NCAM1: variants seen among roughly 807,000 people sequenced by gnomAD.
NCAM1 encodes the protein neural cell adhesion molecule 1, also known as antigen recognized by monoclonal antibody 5.1H11.
In NCAM1, 14 loss-of-function variants were observed where a neutral mutation model predicts 109.8. That is an observed-to-expected ratio of 0.13 (90% CI 0.08 to 0.20). The LOEUF is 0.20. NCAM1 is among the 10% of genes least tolerant of loss of function. The pLI, the probability that NCAM1 is intolerant of heterozygous loss-of-function variation, is 1.00. For synonymous variants in NCAM1, 418 were observed against 442.9 expected (o/e 0.94, Z 0.70); for missense variants, 774 against 1,109.9 (o/e 0.70, Z 4.30).
intron 1 of NCAM1, among the ~76,000 whole-genome samples, chr11:113,020,221 G>T (rs949092385): frequency 4.8e-4 from 73 of 152,104 alleles, no homozygotes; most frequent in Admixed American, 4.1e-3. Context: ...TTATATCTTT[G>T]TAAGATTTGT....
In NCAM1 at chr11:113,275,291, A is replaced by G; in HGVS notation, c.2481A>G (p.Pro827=). 1 of 1,613,820 alleles carries G rather than the reference A, an allele frequency of 6.2e-7. No homozygotes were observed. Among genetic ancestry groups the G allele is most frequent in the Non-Finnish European group, 8.5e-7 (1 of 1,179,826 alleles). The change falls in exon 20 of 20, where the codon CCA becomes CCG. Residue 827 remains proline (P), a synonymous_variant. Transcript: ENST00000316851. The stretch of plus-strand genomic sequence containing the variant: ...GGAAGGGCCCCGTAGAAGCAAAGCC[A>G]GAGTGCCAGGAGACAGAAACGAAGC... ...EPEKGPVEAK[P]ECQETETKPA... is the part of the protein sequence containing the mutation.
At chr11:113,083,314 T>G (rs1938928385) in intron 1 of NCAM1, among the ~76,000 whole-genome samples, 1 of 152,210 alleles carries the variant, frequency 6.6e-6, no homozygotes, top group South Asian at 2.1e-4. Flanking sequence ...GGCCCAAATA[T>G]ACACAGTTAA....
Position 113,200,354 on chromosome 11 carries a change from C to G in NCAM1, c.53-2025C>G, listed in dbSNP as rs1944011262. Reference sequence around the variant, plus strand: ...GCATGGATAGCACTGGCCTGCAGCTCTCTTTGTAAGGCTCCATGCTCCCCA... The same window carrying G: ...GCATGGATAGCACTGGCCTGCAGCTGTCTTTGTAAGGCTCCATGCTCCCCA... On this transcript the variant is annotated intron_variant, in intron 1 of 19. Transcript: ENST00000316851. 2.0e-5 allele frequency among the ~76,000 whole-genome samples: 3 copies of G among 152,276 alleles called. No individual in the cohort carries two copies. The South Asian group carries it at 6.2e-4, about 32-fold the overall frequency.
chr11:113,138,610 G>A (rs1263203313), intron 1 of NCAM1, among the ~76,000 whole-genome samples: 3 of 151,998 alleles, frequency 2.0e-5, no homozygotes, highest in Non-Finnish European at 2.9e-5. Flanking sequence ...TGCATGATCT[G>A]GGCTCTTTTT....
At chr11:113,117,037 T>A (rs1940743314) in intron 1 of NCAM1, among the ~76,000 whole-genome samples, 1 of 151,976 alleles carries the variant, frequency 6.6e-6, no homozygotes, top group Non-Finnish European at 1.5e-5. Context: ...GGAGTAGACA[T>A]AAATTACATG....
At chr11:113,134,117 T>C (rs1397850843) in intron 1 of NCAM1, among the ~76,000 whole-genome samples, 1 of 152,202 alleles carries the variant, frequency 6.6e-6, no homozygotes, top group Non-Finnish European at 1.5e-5. Flanking sequence ...TGCAAGTCTA[T>C]ACCCATTAAA....
chr11:113,219,983 T>C (rs1004059588), intron 8 of NCAM1, among the ~76,000 whole-genome samples: 1 of 152,238 alleles, frequency 6.6e-6, no homozygotes, highest in Non-Finnish European at 1.5e-5. Context: ...TTTAGTGGAC[T>C]CTTACTAAAT....
intron 1 of NCAM1, among the ~76,000 whole-genome samples, chr11:113,116,013 C>A (rs1325452875): frequency 6.6e-6 from 1 of 152,012 alleles, no homozygotes; most frequent in Admixed American, 6.6e-5. Context: ...TCTCTAATTC[C>A]CAAATAGACA....
intron 1 of NCAM1, among the ~76,000 whole-genome samples, chr11:113,008,758 G>A (rs1951955217): frequency 6.6e-6 from 1 of 152,128 alleles, no homozygotes; most frequent in Non-Finnish European, 1.5e-5. Flanking sequence ...AGAAAGAAAG[G>A]GAACCAAACA....
chr11:113,094,554 TC>T (rs1555089981), intron 1 of NCAM1, among the ~76,000 whole-genome samples: 2 of 152,232 alleles, frequency 1.3e-5, no homozygotes, highest in Admixed American at 6.5e-5. Context: ...CCTGCATTTC[TC>T]ACTCCTCCTC....
At chr11:113,034,929 G>A (rs1555078908) in intron 1 of NCAM1, among the ~76,000 whole-genome samples, 1 of 152,144 alleles carries the variant, frequency 6.6e-6, no homozygotes, top group African/African-American at 2.4e-5. Context: ...TTATCATAAA[G>A]TAGTCTGGAA....
intron 1 of NCAM1, among the ~76,000 whole-genome samples, chr11:113,092,400 TTTG>T (rs536815273): frequency 6.6e-6 from 1 of 152,182 alleles, no homozygotes; most frequent in Non-Finnish European, 1.5e-5. Context: ...TTGCCAGTGC[TTTG>T]CCGGTAATTG....
At chr11:113,212,444 G>A (rs1944414387) in intron 7 of NCAM1, among the ~76,000 whole-genome samples, 1 of 152,140 alleles carries the variant, frequency 6.6e-6, no homozygotes, top group Non-Finnish European at 1.5e-5. Flanking sequence ...ATTAATAGAT[G>A]GCAACTGACC....
rs575257047 is a variant in NCAM1 at position 113,270,105 on chromosome 11, C to T, written c.2132-83C>T. 22 of 1,374,248 alleles carry T rather than the reference C, an allele frequency of 1.6e-5. No homozygotes were observed. In the African/African-American group the frequency reaches 3.1e-4, roughly 19 times the overall value. 85.1% of individuals were successfully genotyped at this position (1,374,248 alleles called of 1,614,324 possible). On this transcript the variant is annotated intron_variant, in intron 17 of 19. Coordinates refer to ENST00000316851, the MANE Select transcript of NCAM1 (RefSeq NM_181351.5). ...ATGACTCTGTCCTCTGGGCCCTCCC[C>T]ACCCGCAGGGGCTTTTGCTGGCAGG...
rs555718732 is a variant in NCAM1, at chr11:113,273,935, G to A, written c.2457-1332G>A. 110 of 167,998 alleles carry A rather than the reference G, an allele frequency of 6.5e-4. No homozygotes were observed. The highest frequency in any genetic ancestry group is 2.3e-3 in the African/African-American group (95 of 41,928). The allele number at this position is 167,998 out of a possible 1,614,324, so 10.4% of individuals were successfully genotyped here. ...AGGCAGCTGGGCCCCAGGAGCAGCC[G>A]CCTGCTGGCTAATTAGGCCATGTTA... On this transcript the variant is annotated intron_variant, in intron 19 of 19. Coordinates refer to ENST00000316851, the MANE Select transcript of NCAM1 (RefSeq NM_181351.5). This position sits in a 1 kb window ranked among gnomAD's most constrained non-coding sequence, Gnocchi z 6.0.
intron 1 of NCAM1, among the ~76,000 whole-genome samples, chr11:113,191,712 TACACATGTACATACATAGATATAC>T (rs1943679398): frequency 6.6e-6 from 1 of 151,934 alleles, no homozygotes; most frequent in Non-Finnish European, 1.5e-5. Flanking sequence ...GATAGATAGA[TACACATGTACATACATAGATATAC>T]ACACATGTAT....
At chr11:113,214,285 C>T (rs532600329) in intron 7 of NCAM1, 84 bp from the exon 8 acceptor site, 59 of 1,456,834 alleles carry the variant, frequency 4.0e-5, no homozygotes, top group Admixed American at 5.8e-5. Flanking sequence ...GACAGCTAAC[C>T]TTTGTTGGAT....
In NCAM1 at chr11:113,232,708, C is replaced by T; in HGVS notation, c.1426-10C>T. On this transcript the variant is annotated splice_polypyrimidine_tract_variant and intron_variant, in intron 11 of 19. Coordinates refer to ENST00000316851, the MANE Select transcript of NCAM1 (RefSeq NM_181351.5). ...GACACTTGTAACCCAATAGCTTCTT[C>T]CTTCTAAAGGTGACCCCAGACTCTG... is the stretch of plus-strand genomic sequence containing the variant. 6.2e-7 allele frequency: 1 copy of T among 1,604,710 alleles called. No homozygotes were observed. Among genetic ancestry groups the T allele is most frequent in the East Asian group, 2.2e-5 (1 of 44,828 alleles).
intron 1 of NCAM1, among the ~76,000 whole-genome samples, chr11:113,165,114 G>A (rs1267781935): frequency 2.0e-5 from 3 of 152,186 alleles, no homozygotes; most frequent in Admixed American, 6.5e-5. Context: ...CAATGGAAAC[G>A]TGTCTGTGGG....
Sources: gnomAD v4.1 joint callset for allele counts (sites outside exome capture counted in the v4.1 genomes callset) on GRCh38, gnomAD v4.1.1 for gene constraint, Gnocchi (gnomAD v3.1) non-coding constraint, MANE v1.5 for transcripts, NCBI Gene and HGNC (gene_info 2026-07-23, HGNC 2026-07-21) for gene names.